The following ZNF536 variants were observed in gnomAD, a reference collection of about 807,000 sequenced individuals.
ZNF536 encodes zinc finger protein 536.
A neutral mutation model predicts 84.5 loss-of-function variants in ZNF536; 13 were observed. The ratio of observed to expected loss-of-function variants is 0.15; its 90% CI spans 0.10 to 0.24. The LOEUF (loss-of-function observed/expected upper bound fraction) is 0.24, where lower values mean the gene tolerates loss of function less well. Among genes scored for constraint, ZNF536 ranks in the 10% least tolerant of loss-of-function variants. The pLI is 1.00. For synonymous variants in ZNF536, 811 were observed against 742.5 expected (o/e 1.09, Z -1.50); for missense variants, 1,536 against 1,747.5 (o/e 0.88, Z 2.16).
intron 2 of ZNF536, among the ~76,000 whole-genome samples, chr19:30,340,369 C>T (rs974097328): frequency 4.6e-5 from 7 of 152,138 alleles, no homozygotes; most frequent in East Asian, 3.9e-4. Context: ...GAGGGGAGAC[C>T]GCACTGGGCC....
At chr19:30,461,042 C>T (rs1378632409) in intron 2 of ZNF536, among the ~76,000 whole-genome samples, 4 of 152,102 alleles carry the variant, frequency 2.6e-5, no homozygotes, top group Admixed American at 6.5e-5. Context: ...GTGGGCGCGT[C>T]GGAGGGGTTG....
At chr19:30,328,192 G>A (rs2047097735) in intron 2 of ZNF536, among the ~76,000 whole-genome samples, 1 of 152,168 alleles carries the variant, frequency 6.6e-6, no homozygotes, top group Non-Finnish European at 1.5e-5. Flanking sequence ...AACTCCCCAG[G>A]GGAGGTGGGG....
At chr19:30,308,730 C>A (rs1239167066) in intron 2 of ZNF536, among the ~76,000 whole-genome samples, 1 of 152,142 alleles carries the variant, frequency 6.6e-6, no homozygotes, top group African/African-American at 2.4e-5. Context: ...GAACTGCAAG[C>A]CACTGGAAGT....
chr19:30,271,299 C>CTTTTTTTTTTT (rs781528411), intron 1 of ZNF536, among the ~76,000 whole-genome samples: 1 of 111,840 alleles, frequency 8.9e-6, no homozygotes, highest in Non-Finnish European at 1.7e-5. Context: ...TTTTTCTTTT[C>CTTTTTTTTTTT]TTTTTTTTTT....
chr19:30,664,202 TTTTCTCTCTCTCTCTCTCTCTC>T (rs1453270817), intron 1 of ZNF536, among the ~76,000 whole-genome samples: 10,886 of 118,424 alleles, frequency 0.092, 836 homozygotes, highest in African/African-American at 0.19. Context: ...TCTTGCTGAG[TTTTCTCTCTCTCTCTCTCTCTC>T]TCTCTCTCTC....
intron 1 of ZNF536, among the ~76,000 whole-genome samples, chr19:30,400,771 G>C (rs976708316): frequency 5.3e-5 from 8 of 152,180 alleles, no homozygotes. Context: ...TCTTTGGTCA[G>C]ATACATGGTT....
At chr19:30,650,553 G>A (rs1279742505) in intron 1 of ZNF536, among the ~76,000 whole-genome samples, 1 of 152,160 alleles carries the variant, frequency 6.6e-6, no homozygotes, top group Non-Finnish European at 1.5e-5. Flanking sequence ...TAGCCGATGA[G>A]CATTTCTGTA....
At chr19:30,666,611 G>A (rs1600203383) in intron 1 of ZNF536, among the ~76,000 whole-genome samples, 2 of 151,996 alleles carry the variant, frequency 1.3e-5, no homozygotes, top group Admixed American at 1.3e-4. Flanking sequence ...CCGGGCTCTG[G>A]GGGTAGCAGA....
Position 30,474,002 on chromosome 19 carries a change from G to T in ZNF536, c.2170+28270G>T, listed in dbSNP as rs1229931502. The stretch of plus-strand genomic sequence containing the variant: ...TGTAAAGCTGTTAGGATGAGATGAT[G>T]TGCCTGGCCCATAGTAGCTGCTCAG... On this transcript the variant is annotated intron_variant, in intron 2 of 4. Transcript: ENST00000355537. Among the ~76,000 whole-genome samples the T allele has an allele frequency of 2.0e-5, 3 of 152,246 alleles. 1 individual carries two copies. In the South Asian group the frequency reaches 6.2e-4, roughly 32 times the overall value.
At chr19:30,226,088 A>G (rs1032965759), upstream of ZNF536, among the ~76,000 whole-genome samples, 2 of 151,552 alleles carry the variant, frequency 1.3e-5, no homozygotes, top group African/African-American at 4.8e-5. This position sits in a 1 kb window ranked among gnomAD's most constrained non-coding sequence, Gnocchi z 4.6. Flanking sequence ...TTTGAAAAGG[A>G]GTCCCGAGGC....
chr19:30,690,832 C>T (rs1321869923), intron 1 of ZNF536, among the ~76,000 whole-genome samples: 1 of 152,206 alleles, frequency 6.6e-6, no homozygotes, highest in Non-Finnish European at 1.5e-5. Flanking sequence ...ATTCTTAAAA[C>T]CAAAGTGAGG....
chr19:30,651,743 A>G (rs1380431506), intron 1 of ZNF536, among the ~76,000 whole-genome samples: 1 of 152,196 alleles, frequency 6.6e-6, no homozygotes, highest in Non-Finnish European at 1.5e-5. Context: ...TAAGTACAGC[A>G]TTTTAAACCC....
rs866712791 is a variant in ZNF536, at chr19:30,606,295, T to A, written c.169+56781T>A. ...ATAAAATAAAATAAAATAAAATAAATAAAATAAAATAAAATAAAATAAAAA... is the reference window on the plus strand; with the variant it reads ...ATAAAATAAAATAAAATAAAATAAAAAAAATAAAATAAAATAAAATAAAAA... On this transcript the variant is annotated intron_variant, in intron 1 of 1. Transcript: ENST00000592773. Among the ~76,000 whole-genome samples, 95 of 37,034 alleles carry A rather than the reference T, an allele frequency of 2.6e-3. 4 individuals carry two copies. The highest frequency in any genetic ancestry group is 0.012 in the African/African-American group (90 of 7,786). The allele number at this position is 37,034 out of a possible 152,430, so 24.3% of individuals were successfully genotyped here.
intron 1 of ZNF536, among the ~76,000 whole-genome samples, chr19:30,262,739 G>C (rs1247044679): frequency 6.6e-6 from 1 of 152,130 alleles, no homozygotes; most frequent in African/African-American, 2.4e-5. Flanking sequence ...GGGGACATAG[G>C]GGGACCTCAC....
At chr19:30,530,792 G>A (rs1442776075) in intron 2 of ZNF536, among the ~76,000 whole-genome samples, 3 of 152,228 alleles carry the variant, frequency 2.0e-5, no homozygotes, top group African/African-American at 7.2e-5. Context: ...AGTTTGCAGA[G>A]GGGCAGACGC....
chr19:30,501,793 A>T (rs2054959916), intron 2 of ZNF536, among the ~76,000 whole-genome samples: 2 of 152,244 alleles, frequency 1.3e-5, no homozygotes, highest in Non-Finnish European at 2.9e-5. Flanking sequence ...TCCTTAACCC[A>T]TTCATGCCTG....
At chr19:30,708,503 T>C (rs2052338177) in intron 1 of ZNF536, among the ~76,000 whole-genome samples, 1 of 152,192 alleles carries the variant, frequency 6.6e-6, no homozygotes, top group Admixed American at 6.5e-5. Context: ...GAGCTTCTGC[T>C]TTAGGCACTC....
At chr19:30,322,857 C>T (rs1001688728) in intron 2 of ZNF536, among the ~76,000 whole-genome samples, 4 of 152,076 alleles carry the variant, frequency 2.6e-5, no homozygotes, top group African/African-American at 4.8e-5. Context: ...TGGCGCTTCC[C>T]ACCTCATGTG....
chr19:30,535,963 C>A (rs1266404340), intron 3 of ZNF536, among the ~76,000 whole-genome samples: 1 of 152,132 alleles, frequency 6.6e-6, no homozygotes, highest in Non-Finnish European at 1.5e-5. Flanking sequence ...TCACCTGGTG[C>A]CTCACCTGGT....
Sources: gnomAD v4.1 joint callset for allele counts (sites outside exome capture counted in the v4.1 genomes callset) on GRCh38, gnomAD v4.1.1 for gene constraint, Gnocchi (gnomAD v3.1) non-coding constraint, MANE v1.5 for transcripts, NCBI Gene and HGNC (gene_info 2026-07-23, HGNC 2026-07-21) for gene names.